HTR6: variants seen among roughly 807,000 people sequenced by gnomAD.
HTR6 encodes the protein 5-hydroxytryptamine (serotonin) receptor 6, G protein-coupled.
HTR6 carries 15 observed loss-of-function variants against 17.4 expected under a neutral mutation model. That is an observed-to-expected ratio of 0.86 (90% confidence interval 0.58 to 1.33). The LOEUF (loss-of-function observed/expected upper bound fraction) is 1.33. Ranked by LOEUF, HTR6 falls within the 40% of genes most tolerant of loss-of-function variation. The pLI, the probability that HTR6 is intolerant of heterozygous loss-of-function variation, is 0.00. For synonymous variants in HTR6, 326 were observed against 295.5 expected, an observed-to-expected ratio of 1.10 and a Z score of -1.06; for missense variants, 578 against 616.0, an observed-to-expected ratio of 0.94 and a Z score of 0.65.
intron 1 of HTR6, among the ~76,000 whole-genome samples, chr1:19,671,876 G>A (rs1038262923): frequency 7.9e-5 from 12 of 152,206 alleles, no homozygotes; most frequent in Middle Eastern, 3.2e-3. Flanking sequence ...CACCACCTCA[G>A]GGCTGGGAGG....
chr1:19,668,583 C>A (rs1183902909), intron 1 of HTR6, among the ~76,000 whole-genome samples: 3 of 152,198 alleles, frequency 2.0e-5, no homozygotes, highest in Non-Finnish European at 2.9e-5. Flanking sequence ...CCACTTAATT[C>A]ACATGCACTT....
chr1:19,680,908 G>A lies in HTR6; in HGVS notation c.*1540G>A, dbSNP rs2095101715. 6.6e-6 allele frequency among the ~76,000 whole-genome samples: 1 copy of A among 152,190 alleles called. No individual in the cohort carries two copies. Among genetic ancestry groups the A allele is most frequent in the African/African-American group, 2.4e-5 (1 of 41,450 alleles). ...TCTGAGGGGCCATGGTGCTTGCGGG[G>A]CTTCCCCTATCCCCCAGGTCTGCCC... On this transcript the variant is annotated 3_prime_UTR_variant, in exon 3 of 3. Transcript: ENST00000289753.
intron 1 of HTR6, among the ~76,000 whole-genome samples, chr1:19,675,620 C>T (rs1158934266): frequency 6.6e-6 from 1 of 152,110 alleles, no homozygotes; most frequent in South Asian, 2.1e-4. Flanking sequence ...AGATATTCCC[C>T]CTAGTGCCTC....
At chr1:19,678,822 C>G in intron 2 of HTR6, 97 bp downstream of exon 2, 1 of 1,556,744 alleles carries the variant, frequency 6.4e-7, no homozygotes, top group East Asian at 2.3e-5. Flanking sequence ...GGCTGCCTCT[C>G]GTGGTGCGTG....
rs201041464 is a variant in HTR6, at chr1:19,679,169, C to T, written c.1124C>T (p.Pro375Leu). 3.6e-5 allele frequency: 57 copies of T among 1,595,012 alleles called. No individual in the cohort carries two copies. The African/African-American group carries it at 4.4e-4, about 12-fold the overall frequency. ...CAGCAGGTGCTGCCGCTGCCCCTGC[C>T]GCCGGACTCAGATTCGGACTCAGAC... Reference protein sequence around the residue: ...SLQQVLPLPLPPDSDSDSDAG... With the variant: ...SLQQVLPLPLLPDSDSDSDAG... Residue 375 changes from proline (P) to leucine (L), a missense_variant, in exon 3 of 3, where the codon CCG (proline) becomes CTG (leucine). By Grantham distance (98) the Pro-to-Leu change is moderately conservative (BLOSUM62 -3). Coordinates refer to ENST00000289753, the MANE Select transcript of HTR6 (RefSeq NM_000871.3). This position sits in a 1 kb window ranked among gnomAD's most constrained non-coding sequence, Gnocchi z 4.9.
chr1:19,669,984 C>T (rs2095086221), intron 1 of HTR6, among the ~76,000 whole-genome samples: 2 of 152,152 alleles, frequency 1.3e-5, no homozygotes, highest in Admixed American at 6.5e-5. Flanking sequence ...CCGCAGTGGC[C>T]CCAATGATCC....
At position 19,666,517 on chromosome 1, in the gene HTR6, G is replaced by T; in HGVS notation, c.714+50G>T. The T allele has an allele frequency of 7.1e-7, 1 of 1,415,356 alleles. No individual in the cohort carries two copies. The allele number at this position is 1,415,356 out of a possible 1,614,324, so 87.7% of individuals were successfully genotyped here. Reference sequence around the variant, plus strand: ...CGGGCTGTGGGATAGAGAGGAATGAGCAGCCCCTGGGGACCCCCTGGGCAT... The same window carrying T: ...CGGGCTGTGGGATAGAGAGGAATGATCAGCCCCTGGGGACCCCCTGGGCAT... On this transcript the variant is annotated intron_variant, in intron 1 of 2. Coordinates refer to ENST00000289753, the MANE Select transcript of HTR6 (RefSeq NM_000871.3). This position sits in a 1 kb window ranked among gnomAD's most constrained non-coding sequence, Gnocchi z 4.5.
intron 1 of HTR6, among the ~76,000 whole-genome samples, chr1:19,669,833 A>G (rs562572873): frequency 1.1e-4 from 16 of 152,148 alleles, no homozygotes; most frequent in African/African-American, 3.9e-4. Flanking sequence ...ACAGGGTTTC[A>G]CCATGTTGGC....
At chr1:19,675,757 A>G (rs943319404) in intron 1 of HTR6, among the ~76,000 whole-genome samples, 1 of 152,076 alleles carries the variant, frequency 6.6e-6, no homozygotes, top group Non-Finnish European at 1.5e-5. Context: ...CATGCCGTCT[A>G]TTCCCATTGA....
chr1:19,676,557 C>G (rs1018004967), intron 1 of HTR6, among the ~76,000 whole-genome samples: 12 of 152,188 alleles, frequency 7.9e-5, no homozygotes, highest in Non-Finnish European at 1.5e-4. Flanking sequence ...ATTCCAGCTT[C>G]TATGAAAAGA....
At chr1:19,667,642 C>T (rs567721771) in intron 1 of HTR6, among the ~76,000 whole-genome samples, 1 of 152,288 alleles carries the variant, frequency 6.6e-6, no homozygotes, top group East Asian at 1.9e-4. Flanking sequence ...TCTTGAACTC[C>T]TGATCGAGGT....
At chr1:19,673,366 C>G (rs1239311134) in intron 1 of HTR6, among the ~76,000 whole-genome samples, 3 of 152,204 alleles carry the variant, frequency 2.0e-5, no homozygotes, top group African/African-American at 7.2e-5. Flanking sequence ...CAGTCTGGCT[C>G]CAGAGTCTGT....
intron 1 of HTR6, among the ~76,000 whole-genome samples, chr1:19,667,108 C>T (rs2095082556): frequency 6.6e-6 from 1 of 152,182 alleles, no homozygotes; most frequent in Non-Finnish European, 1.5e-5. Flanking sequence ...CCTCCCCTCT[C>T]CCTCTCTCTT....
At chr1:19,675,294 C>A (rs960811350) in intron 1 of HTR6, among the ~76,000 whole-genome samples, 1 of 152,156 alleles carries the variant, frequency 6.6e-6, no homozygotes, top group Non-Finnish European at 1.5e-5. Context: ...ACTGAATGAC[C>A]TAATGACTAT....
chr1:19,672,810 C>A (rs1274447180), intron 1 of HTR6, among the ~76,000 whole-genome samples: 2 of 152,058 alleles, frequency 1.3e-5, no homozygotes, highest in Admixed American at 6.5e-5. Context: ...CAGGAGGATT[C>A]TTTGAAGCTA....
chr1:19,672,358 G>A (rs148317438), intron 1 of HTR6, among the ~76,000 whole-genome samples: 5 of 151,750 alleles, frequency 3.3e-5, no homozygotes, highest in African/African-American at 7.3e-5. Context: ...CCAACTAAGC[G>A]TCATTCTGTC....
At position 19,666,976 on chromosome 1, in the gene HTR6, A is replaced by G. The variant is rs745540039; in HGVS notation, c.714+509A>G. On this transcript the variant is annotated intron_variant, in intron 1 of 2. Coordinates refer to ENST00000289753, the MANE Select transcript of HTR6 (RefSeq NM_000871.3). The surrounding 1 kb of genome is among the most constrained non-coding windows in gnomAD (Gnocchi z 4.5). The stretch of plus-strand genomic sequence containing the variant: ...TGCATAGAAGCTGGAGCACTTAAAA[A>G]AGAAGTGATCATGTCACTCCCCTGC... 6.6e-5 allele frequency among the ~76,000 whole-genome samples: 10 copies of G among 152,060 alleles called. No individual in the cohort carries two copies. The highest frequency in any genetic ancestry group is 3.9e-4 in the Admixed American group (6 of 15,268).
chr1:19,676,076 AG>A (rs531975017), intron 1 of HTR6, among the ~76,000 whole-genome samples: 176 of 152,250 alleles, frequency 1.2e-3, no homozygotes, highest in African/African-American at 3.9e-3. Flanking sequence ...TGGGGAGGCC[AG>A]AGCTGCTGGC....
chr1:19,666,113 C>T lies in HTR6; in HGVS notation c.360C>T (p.Ile120=). 1.2e-6 allele frequency: 2 copies of T among 1,612,472 alleles called. No individual in the cohort carries two copies. Among genetic ancestry groups the T allele is most frequent in the African/African-American group, 1.3e-5 (1 of 75,050 alleles). ...CSASILNLCL[I]SLDRYLLILS... is the part of the protein sequence containing the mutation. ...CCTCCATCCTCAACCTCTGCCTCAT[C>T]AGCCTGGACCGCTACCTGCTCATCC... The change falls in exon 1 of 3, where the codon ATC becomes ATT. Residue 120 remains isoleucine, a synonymous_variant. Transcript: ENST00000289753. The surrounding 1 kb of genome is among the most constrained non-coding windows in gnomAD (Gnocchi z 4.5).
Sources: allele counts gnomAD v4.1 joint callset (sites outside exome capture counted in the v4.1 genomes callset), GRCh38; gene constraint gnomAD v4.1.1; non-coding constraint Gnocchi (gnomAD v3.1); transcripts MANE v1.5; gene names NCBI Gene and HGNC (gene_info 2026-07-23, HGNC 2026-07-21).